The following UGCG variants were observed in gnomAD, a reference collection of about 807,000 sequenced individuals.
The protein encoded by UGCG is UDP-glucose ceramide glucosyltransferase.
Under a neutral mutation model 49.5 loss-of-function variants are expected in UGCG, and 10 were observed. That is an observed-to-expected ratio of 0.20 (90% confidence interval 0.12 to 0.34). The LOEUF is 0.34. UGCG is among the 10% of genes least tolerant of loss of function. The pLI is 1.00. For synonymous variants in UGCG, 182 were observed against 158.2 expected (o/e 1.15, Z -1.13); for missense variants, 312 against 483.7 (o/e 0.65, Z 3.33).
At chr9:111,925,018 C>A in intron 4 of UGCG, 140 bp downstream of exon 4, 1 of 355,580 alleles carries the variant, frequency 2.8e-6, no homozygotes, top group Non-Finnish European at 4.9e-6. Context: ...GGTAATATGT[C>A]CAGTTATGCT....
chr9:111,924,883 G>T lies in UGCG; in HGVS notation c.445+5G>T. ...TTTGTGATAGTGGAATAAGAGGTGA[G>T]GTTTTTTTCTTATTTATTTTATAAA... is the stretch of plus-strand genomic sequence containing the variant. On this transcript the variant is annotated splice_donor_5th_base_variant and intron_variant, in intron 4 of 8. Transcript: ENST00000374279. 6.9e-7 allele frequency: 1 copy of T among 1,439,818 alleles called. No individual in the cohort carries two copies. The highest frequency in any genetic ancestry group is 9.2e-7 in the Non-Finnish European group (1 of 1,089,984). 89.2% of individuals were successfully genotyped at this position (1,439,818 alleles called of 1,614,324 possible). A position where few individuals can be genotyped will look rare whatever the true frequency, so the allele number is the denominator to read the frequency against.
chr9:111,933,048 A>T lies in UGCG; in HGVS notation c.*51A>T. 7.4e-7 allele frequency: 1 copy of T among 1,350,378 alleles called. No individual in the cohort carries two copies. The highest frequency in any genetic ancestry group is 2.0e-4 in the Middle Eastern group (1 of 5,098). 83.6% of individuals were successfully genotyped at this position (1,350,378 alleles called of 1,614,324 possible). A position where few individuals can be genotyped will look rare whatever the true frequency, so the allele number is the denominator to read the frequency against. On this transcript the variant is annotated 3_prime_UTR_variant, in exon 9 of 9. Transcript: ENST00000374279. The stretch of plus-strand genomic sequence containing the variant: ...GGAAAAAAGAGAAGTATTATAAATT[A>T]TGTTTATATAAATGCTTTTAAAAAT...
chr9:111,922,816 G>A (rs756165806), intron 2 of UGCG, 33 bp from the exon 3 acceptor site: 7 of 1,507,826 alleles, frequency 4.6e-6, no homozygotes, highest in Non-Finnish European at 5.4e-6. Flanking sequence ...TTTTTTTAAA[G>A]AATTTAATTT....
chr9:111,923,789 C>T (rs1232351317), intron 3 of UGCG, among the ~76,000 whole-genome samples: 3 of 152,058 alleles, frequency 2.0e-5, no homozygotes, highest in African/African-American at 7.2e-5. Context: ...TGCATCACCA[C>T]GCCCAGCTAA....
intron 2 of UGCG, 24 bp downstream of exon 2, chr9:111,914,770 TG>T (rs869130131): frequency 1.6e-6 from 1 of 607,676 alleles, no homozygotes; most frequent in Admixed American, 6.9e-5. Context: ...TACGGTTTTT[TG>T]TTTTGTTTTG....
chr9:111,919,716 A>C lies in UGCG; in HGVS notation c.241-3133A>C, dbSNP rs1401065173. 2.4e-4 allele frequency among the ~76,000 whole-genome samples: 30 copies of C among 124,650 alleles called. No homozygotes were observed. The East Asian group carries it at 8.3e-3, about 34-fold the overall frequency. The allele number at this position is 124,650 out of a possible 152,430, so 81.8% of individuals were successfully genotyped here. Reference sequence around the variant, plus strand: ...AGGCTGAGGCAGGAGAATGGCGTGAACCCTGGAGGCCAAGCTTGCAGTGAG... The same window carrying C: ...AGGCTGAGGCAGGAGAATGGCGTGACCCCTGGAGGCCAAGCTTGCAGTGAG... On this transcript the variant is annotated intron_variant, in intron 2 of 8. Transcript: ENST00000374279.
At chr9:111,914,882 C>T (rs1838085128) in intron 2 of UGCG, 136 bp downstream of exon 2, 4 of 1,260,786 alleles carry the variant, frequency 3.2e-6, no homozygotes, top group South Asian at 1.7e-5. Context: ...TAAAATATAA[C>T]CTTTAGTAGT....
At chr9:111,931,810 T>G (rs1417745926) in intron 7 of UGCG, among the ~76,000 whole-genome samples, 1 of 152,100 alleles carries the variant, frequency 6.6e-6, no homozygotes, top group Non-Finnish European at 1.5e-5. Flanking sequence ...GAGGACTGCT[T>G]GAGCCCAGGA....
At chr9:111,906,087 T>C (rs1361580277) in intron 1 of UGCG, among the ~76,000 whole-genome samples, 1 of 152,196 alleles carries the variant, frequency 6.6e-6, no homozygotes, top group Non-Finnish European at 1.5e-5. Flanking sequence ...ATTCCTAGTC[T>C]CTTCATCTGG....
intron 2 of UGCG, among the ~76,000 whole-genome samples, chr9:111,920,685 T>C (rs910374198): frequency 6.6e-5 from 10 of 152,036 alleles, no homozygotes; most frequent in African/African-American, 2.4e-4. Context: ...TTATTGGCAG[T>C]TTTTGCTGAG....
chr9:111,926,072 A>G (rs1838307641), intron 4 of UGCG, among the ~76,000 whole-genome samples: 1 of 152,210 alleles, frequency 6.6e-6, no homozygotes, highest in African/African-American at 2.4e-5. Context: ...ACTAGGACAG[A>G]TTGTCCTTAT....
intron 1 of UGCG, among the ~76,000 whole-genome samples, chr9:111,902,221 A>C (rs1399071944): frequency 6.6e-6 from 1 of 151,802 alleles, no homozygotes; most frequent in Non-Finnish European, 1.5e-5. Context: ...GCCATCTCCT[A>C]TTTGTTTTCT....
At chr9:111,914,826 CTG>C in intron 2 of UGCG, 80 bp downstream of exon 2, 2 of 1,552,748 alleles carry the variant, frequency 1.3e-6, no homozygotes, top group South Asian at 1.2e-5. Context: ...GATTTTAACA[CTG>C]TATAAGGTGA....
intron 2 of UGCG, chr9:111,914,961 T>A: frequency 1.9e-6 from 1 of 516,688 alleles, no homozygotes; most frequent in Non-Finnish European, 3.1e-6. Flanking sequence ...TATATGTCCG[T>A]GTGAAGTAGA....
chr9:111,918,972 C>G (rs1838167777), intron 2 of UGCG, among the ~76,000 whole-genome samples: 1 of 150,758 alleles, frequency 6.6e-6, no homozygotes, highest in South Asian at 2.1e-4. Flanking sequence ...CACTTCAAAC[C>G]TTGCATCTGA....
chr9:111,929,282 CTAAAT>C (rs1838378435), intron 5 of UGCG: 1 of 387,158 alleles, frequency 2.6e-6, no homozygotes, highest in Non-Finnish European at 4.5e-6. Context: ...TATTTTGTAT[CTAAAT>C]TAAGTTTTAT....
intron 1 of UGCG, among the ~76,000 whole-genome samples, chr9:111,900,981 G>T (rs890364643): frequency 6.6e-6 from 1 of 151,954 alleles, no homozygotes; most frequent in African/African-American, 2.4e-5. Context: ...AAGTAGCTGG[G>T]ACTACCGGTG....
rs759075855 is a variant in UGCG at position 111,932,257 on chromosome 9, A to G, written c.912A>G (p.Gly304=). 1 of 1,614,094 alleles carries G rather than the reference A, an allele frequency of 6.2e-7. No homozygotes were observed. The highest frequency in any genetic ancestry group is 8.5e-7 in the Non-Finnish European group (1 of 1,179,990). The change falls in exon 8 of 9, where the codon GGA becomes GGG. Residue 304 remains glycine, a synonymous_variant. Transcript: ENST00000374279. ...GCTTTGTTGCCAGTTTAATTATTGG[A>G]TGGGCAGCCCACCATGTGTTCAGAT... The part of the protein sequence containing the change: ...SECFVASLII[G]WAAHHVFRWD...
Position 111,935,150 on chromosome 9 carries a change from C to G in UGCG, c.*2153C>G, listed in dbSNP as rs1838498574. On this transcript the variant is annotated 3_prime_UTR_variant, in exon 9 of 9. Transcript: ENST00000374279. ...GGAGTATTTCCTTAATGTAAAACTTCACTTAACAGAGAGATTCTTTGTTTA... is the reference window on the plus strand; with the variant it reads ...GGAGTATTTCCTTAATGTAAAACTTGACTTAACAGAGAGATTCTTTGTTTA... 6.6e-6 allele frequency: 1 copy of G among 152,068 alleles called. No individual in the cohort carries two copies. The highest frequency in any genetic ancestry group is 2.4e-5 in the African/African-American group (1 of 41,400). 9.4% of individuals were successfully genotyped at this position (152,068 alleles called of 1,614,324 possible).
Sources: gnomAD v4.1 joint callset for allele counts (sites outside exome capture counted in the v4.1 genomes callset) on GRCh38, gnomAD v4.1.1 for gene constraint, MANE v1.5 for transcripts, NCBI Gene and HGNC (gene_info 2026-07-23, HGNC 2026-07-21) for gene names.